The following ZNF469 variants were observed in gnomAD, a reference collection of about 807,000 sequenced individuals.
ZNF469 encodes the protein zinc finger protein 469.
Under a neutral mutation model 1.0 loss-of-function variants are expected in ZNF469, and 1 was observed. The observed-to-expected ratio is 1.00, with a 90% confidence interval of 0.35 to 4.73. The LOEUF (loss-of-function observed/expected upper bound fraction) is 4.73, where lower values mean the gene tolerates loss of function less well. Ranked by LOEUF, ZNF469 falls within the 30% of genes most tolerant of loss-of-function variation. ZNF469 has a pLI of 0.16. For synonymous variants in ZNF469, 2,703 were observed against 2,363.4 expected, an observed-to-expected ratio of 1.14 and a Z score of -4.17; for missense variants, 6,100 against 5,356.3, an observed-to-expected ratio of 1.14 and a Z score of -4.33.
upstream of ZNF469, among the ~76,000 whole-genome samples, chr16:88,379,855 G>A (rs770224689): frequency 6.6e-6 from 1 of 152,172 alleles, no homozygotes; most frequent in Non-Finnish European, 1.5e-5. Context: ...GGAAGAGGCA[G>A]TCCCACCTCG....
rs199897247 is a variant in ZNF469 at position 88,431,891 on chromosome 16, C to G, written c.4421C>G (p.Ala1474Gly). The change falls in exon 3 of 3, where the codon GCG becomes GGG. Residue 1474 changes from alanine to glycine, a missense_variant. Ala to Gly is a moderately conservative substitution (Grantham distance 60). Coordinates refer to ENST00000565624, the MANE Select transcript of ZNF469 (RefSeq NM_001367624.2). ...FDPPLYGSLS[A>G]NRDSGLPFAC... is the part of the protein sequence containing the mutation. Reference sequence around the variant, plus strand: ...CCACCCCTCTATGGCAGCCTGTCTGCGAACAGGGACTCCGGTCTGCCGTTC... The same window carrying G: ...CCACCCCTCTATGGCAGCCTGTCTGGGAACAGGGACTCCGGTCTGCCGTTC... 7.7e-6 allele frequency: 12 copies of G among 1,549,682 alleles called. No homozygotes were observed. In the East Asian group the frequency reaches 2.7e-4, roughly 35 times the overall value.
chr16:88,277,528 T>G, the ZNF469 span, among the ~76,000 whole-genome samples: 1 of 31,544 alleles, frequency 3.2e-5, no homozygotes, highest in African/African-American at 1.7e-4. Flanking sequence ...CAGTGCACGG[T>G]TAGTGCTGCG....
the ZNF469 span, among the ~76,000 whole-genome samples, chr16:88,117,493 A>G: frequency 6.6e-6 from 1 of 152,026 alleles, no homozygotes; most frequent in Non-Finnish European, 1.5e-5. Flanking sequence ...TCAGCCACTG[A>G]CTGCCTAGAA....
chr16:88,218,104 T>C, the ZNF469 span, among the ~76,000 whole-genome samples: 2 of 145,864 alleles, frequency 1.4e-5, no homozygotes, highest in African/African-American at 5.0e-5. Flanking sequence ...CCAGCACCTA[T>C]TGTTTCCTGA....
In ZNF469 at chr16:88,431,094, C is replaced by A. The variant is rs1224948020; in HGVS notation, c.3624C>A (p.Asn1208Lys). 6.5e-7 allele frequency: 1 copy of A among 1,550,294 alleles called. No individual in the cohort carries two copies. Among genetic ancestry groups the A allele is most frequent in the Non-Finnish European group, 8.7e-7 (1 of 1,146,944 alleles). The change falls in exon 3 of 3, where the codon AAC becomes AAA. Residue 1208 changes from asparagine to lysine, a missense_variant. Transcript: ENST00000565624. ...AGGATCCCCTGCAGGTCCCCACCAACACCGAGACCTCAGAGGAAACCCGCC... is the reference window on the plus strand; with the variant it reads ...AGGATCCCCTGCAGGTCCCCACCAAAACCGAGACCTCAGAGGAAACCCGCC... ...APKDPLQVPT[N>K]TETSEETRPS...
chr16:88,391,468 G>T (rs555121777), intron 1 of ZNF469, among the ~76,000 whole-genome samples: 1 of 151,560 alleles, frequency 6.6e-6, no homozygotes, highest in South Asian at 2.1e-4. Context: ...GTTTTGGACA[G>T]ACTGTAAGGG....
the ZNF469 span, among the ~76,000 whole-genome samples, chr16:88,228,445 T>G: frequency 2.6e-5 from 4 of 152,084 alleles, no homozygotes; most frequent in Non-Finnish European, 2.9e-5. Context: ...AGATAAGCCC[T>G]ATAGCAGCCC....
At chr16:88,101,624 A>T in the ZNF469 span, among the ~76,000 whole-genome samples, 1 of 151,418 alleles carries the variant, frequency 6.6e-6, no homozygotes, top group African/African-American at 2.4e-5. Context: ...GGGCAGGACG[A>T]GTTTGGGGCT....
At chr16:88,382,899 G>A (rs1382246662), upstream of ZNF469, among the ~76,000 whole-genome samples, 1 of 151,720 alleles carries the variant, frequency 6.6e-6, no homozygotes, top group East Asian at 1.9e-4. Context: ...AAAAATAGCT[G>A]GGGGGAGGGT....
the ZNF469 span, among the ~76,000 whole-genome samples, chr16:88,273,804 A>ATT: frequency 9.9e-3 from 1,336 of 135,200 alleles, 33 homozygotes; most frequent in African/African-American, 0.033. Flanking sequence ...ACTGTGGAAT[A>ATT]TTTTTTTTTT....
chr16:88,152,199 T>C, the ZNF469 span, among the ~76,000 whole-genome samples: 2 of 152,192 alleles, frequency 1.3e-5, no homozygotes, highest in African/African-American at 4.8e-5. The surrounding 1 kb of genome is among the most constrained non-coding windows in gnomAD (Gnocchi z 4.2). Context: ...TCATTTTAAA[T>C]GTGTTGAAAA....
the ZNF469 span, among the ~76,000 whole-genome samples, chr16:88,354,242 G>T: frequency 3.9e-5 from 6 of 152,186 alleles, no homozygotes; most frequent in South Asian, 1.2e-3. Flanking sequence ...CGGGTCTGTA[G>T]CTCCCCAGGG....
the ZNF469 span, among the ~76,000 whole-genome samples, chr16:88,132,508 G>A: frequency 1.3e-5 from 2 of 152,244 alleles, no homozygotes; most frequent in African/African-American, 2.4e-5. Flanking sequence ...ACACGTGGCC[G>A]TCCAGTGTCA....
the ZNF469 span, among the ~76,000 whole-genome samples, chr16:88,313,554 A>G: frequency 2.0e-5 from 3 of 151,316 alleles, no homozygotes; most frequent in African/African-American, 7.3e-5. Flanking sequence ...GCTGGTGTGG[A>G]CTATCTATCT....
chr16:88,291,931 G>T, the ZNF469 span, among the ~76,000 whole-genome samples: 2 of 152,178 alleles, frequency 1.3e-5, no homozygotes, highest in Non-Finnish European at 2.9e-5. Context: ...CAGGGCCTCT[G>T]GGGCTCAGCC....
the ZNF469 span, among the ~76,000 whole-genome samples, chr16:88,259,471 C>T: frequency 8.5e-5 from 13 of 152,192 alleles, no homozygotes; most frequent in African/African-American, 2.9e-4. The surrounding 1 kb of genome is among the most constrained non-coding windows in gnomAD (Gnocchi z 4.1). Context: ...GCCCCGCATG[C>T]TTCTCCTCCG....
At chr16:88,245,439 C>T in the ZNF469 span, among the ~76,000 whole-genome samples, 1 of 152,262 alleles carries the variant, frequency 6.6e-6, no homozygotes, top group Non-Finnish European at 1.5e-5. Flanking sequence ...CCTCCCGCAG[C>T]CGCTGTGAGA....
chr16:88,227,011 C>T, the ZNF469 span, among the ~76,000 whole-genome samples: 3 of 149,406 alleles, frequency 2.0e-5, no homozygotes, highest in African/African-American at 4.9e-5. Context: ...GTGCCTCCTC[C>T]GCGCCGGGGC....
rs1299711051 is a variant in ZNF469, at chr16:88,433,334, C to T, written c.5864C>T (p.Ala1955Val). 2.6e-6 allele frequency: 4 copies of T among 1,550,184 alleles called. No individual in the cohort carries two copies. The highest frequency in any genetic ancestry group is 3.5e-6 in the Non-Finnish European group (4 of 1,146,930). The change falls in exon 3 of 3, where the codon GCC (alanine) becomes GTC (valine). Residue 1955 changes from alanine to valine, a missense_variant. By Grantham distance (64) the Ala-to-Val change is moderately conservative (BLOSUM62 0). Transcript: ENST00000565624. ...GGAGGGAAGGTGGCCTGTGGCCCCG[C>T]CCAGGGCTCCCCAGGGGGTGTGCAG... ...VEGGKVACGP[A>V]QGSPGGVQVT...
Sources: allele counts gnomAD v4.1 joint callset (sites outside exome capture counted in the v4.1 genomes callset), GRCh38; gene constraint gnomAD v4.1.1; non-coding constraint Gnocchi (gnomAD v3.1); transcripts MANE v1.5; gene names NCBI Gene and HGNC (gene_info 2026-07-23, HGNC 2026-07-21).